EEF2K: variants seen among roughly 807,000 people sequenced by gnomAD.
EEF2K encodes alternative protein EEF2K.
A neutral mutation model predicts 93.8 loss-of-function variants in EEF2K; 70 were observed. The observed-to-expected ratio is 0.75, with a 90% CI of 0.62 to 0.91. The LOEUF (loss-of-function observed/expected upper bound fraction) is 0.91, where lower values mean the gene tolerates loss of function less well. EEF2K is among the 40% of genes least tolerant of loss of function. The pLI, the probability that EEF2K is intolerant of heterozygous loss-of-function variation, is 0.00. For synonymous variants in EEF2K, 376 were observed against 380.8 expected (o/e 0.99, Z 0.15); for missense variants, 935 against 972.9 (o/e 0.96, Z 0.52).
chr16:22,246,275 A>G (rs1364722382), intron 3 of EEF2K, among the ~76,000 whole-genome samples: 3 of 152,032 alleles, frequency 2.0e-5, no homozygotes, highest in Non-Finnish European at 4.4e-5. Context: ...TAATCCCAGC[A>G]CTTTGGGAGG....
intron 1 of EEF2K, among the ~76,000 whole-genome samples, chr16:22,218,432 A>G (rs62044761): frequency 0.12 from 17,930 of 152,244 alleles, 1,285 homozygotes; most frequent in Middle Eastern, 0.17. Flanking sequence ...TATGGTAGGA[A>G]GGCAGGTCCT....
At chr16:22,262,219 A>G (rs543345544) in intron 11 of EEF2K, among the ~76,000 whole-genome samples, 20 of 152,152 alleles carry the variant, frequency 1.3e-4, no homozygotes, top group Middle Eastern at 3.4e-3. Context: ...AATAAAAAAT[A>G]TGCCCAACTA....
At position 22,280,385 on chromosome 16, in the gene EEF2K, T is replaced by A. The variant is rs200172796; in HGVS notation, c.2068+9T>A. 227 of 1,491,946 alleles carry A rather than the reference T, an allele frequency of 1.5e-4. No individual in the cohort carries two copies. The highest frequency in any genetic ancestry group is 2.0e-4 in the Non-Finnish European group (223 of 1,115,234). 92.4% of individuals were successfully genotyped at this position (1,491,946 alleles called of 1,614,324 possible). ...GGACCCGCAGAGATCAGGTAGGGCC[T>A]GGCAGACCTGCCCCTGGGCTGCAAC... On this transcript the variant is annotated intron_variant, in intron 17 of 17. Transcript: ENST00000263026.
chr16:22,264,990 T>C, intron 13 of EEF2K, 110 bp downstream of exon 13: 5 of 1,327,772 alleles, frequency 3.8e-6, no homozygotes, highest in South Asian at 1.3e-5. Flanking sequence ...GTCTTGCACA[T>C]GTGCTAAAGG....
intron 16 of EEF2K, among the ~76,000 whole-genome samples, chr16:22,275,035 G>C (rs2047621189): frequency 6.6e-6 from 1 of 152,194 alleles, no homozygotes; most frequent in African/African-American, 2.4e-5. Context: ...CTGATGTACT[G>C]TCTACTGGCA....
chr16:22,264,996 A>G, intron 13 of EEF2K, 116 bp downstream of exon 13: 1 of 1,277,746 alleles, frequency 7.8e-7, no homozygotes, highest in Non-Finnish European at 1.1e-6. Flanking sequence ...CACATGTGCT[A>G]AAGGAAGATT....
chr16:22,280,316 A>C lies in EEF2K; in HGVS notation c.2008A>C (p.Arg670=), dbSNP rs1158384943. 1 of 1,607,428 alleles carries C rather than the reference A, an allele frequency of 6.2e-7. No homozygotes were observed. The highest frequency in any genetic ancestry group is 1.1e-5 in the South Asian group (1 of 89,782). ...CGAGCCCCGGTACATGATGCTGGCCAGGGAGGCCGAGATGCTGTTCACAGG... is the reference window on the plus strand; with the variant it reads ...CGAGCCCCGGTACATGATGCTGGCCCGGGAGGCCGAGATGCTGTTCACAGG... ...QDEPRYMMLA[R]EAEMLFTGGY... The change falls in exon 17 of 18, where the codon AGG becomes CGG. Residue 670 remains arginine (R), a synonymous_variant. Transcript: ENST00000263026.
chr16:22,214,857 GAACAA>G (rs2046944594), intron 1 of EEF2K, among the ~76,000 whole-genome samples: 1 of 152,112 alleles, frequency 6.6e-6, no homozygotes, highest in African/African-American at 2.4e-5. Flanking sequence ...CAAAACACAC[GAACAA>G]AACAAGGAAA....
Position 22,287,541 on chromosome 16 carries a change from G to C in EEF2K, c.*3545G>C, listed in dbSNP as rs1023350541. ...ATTTTTTTTCACAGTGTCACTGCTA[G>C]CAAGCCACTAAGCTGGAGCTGGGAT... is the stretch of plus-strand genomic sequence containing the variant. On this transcript the variant is annotated 3_prime_UTR_variant, in exon 18 of 18. Transcript: ENST00000263026. 1 of 152,194 alleles carries C rather than the reference G, an allele frequency of 6.6e-6. No homozygotes were observed. The highest frequency in any genetic ancestry group is 1.5e-5 in the Non-Finnish European group (1 of 68,042). The allele number at this position is 152,194 out of a possible 1,614,324, so 9.4% of individuals were successfully genotyped here.
At chr16:22,264,743 T>A in intron 12 of EEF2K, 75 bp from the exon 13 acceptor site, 1 of 1,565,824 alleles carries the variant, frequency 6.4e-7, no homozygotes. Flanking sequence ...GGAGGAGGGC[T>A]GGACCAGCTC....
intron 1 of EEF2K, among the ~76,000 whole-genome samples, chr16:22,223,204 G>A (rs1009013057): frequency 2.0e-5 from 3 of 151,106 alleles, no homozygotes; most frequent in African/African-American, 4.9e-5. Flanking sequence ...CCTAGGAGTG[G>A]AATTGCTGGA....
intron 10 of EEF2K, 70 bp from the exon 11 acceptor site, chr16:22,260,392 G>C: frequency 1.3e-6 from 2 of 1,574,924 alleles, no homozygotes; most frequent in South Asian, 2.2e-5. Flanking sequence ...GACCGCCCTA[G>C]GCCGTGGGTT....
In EEF2K at chr16:22,257,361, A is replaced by G. The variant is rs761220748; in HGVS notation, c.877A>G (p.Thr293Ala). The G allele has an allele frequency of 6.2e-7, 1 of 1,613,782 alleles. No homozygotes were observed. The highest frequency in any genetic ancestry group is 8.5e-7 in the Non-Finnish European group (1 of 1,179,916). The stretch of plus-strand genomic sequence containing the variant: ...CCCACAGATCCACACGGAGACGGGC[A>G]CTGACTTTGGAGACGGCAACCTAGG... Reference protein sequence around the residue: ...TDPQIHTETGTDFGDGNLGVR... With the variant: ...TDPQIHTETGADFGDGNLGVR... The change falls in exon 8 of 18, where the codon ACT becomes GCT. Residue 293 changes from threonine (T) to alanine (A), a missense_variant. By Grantham distance (58) the Thr-to-Ala change is moderately conservative. Coordinates refer to ENST00000263026, the MANE Select transcript of EEF2K (RefSeq NM_013302.5).
At chr16:22,226,517 C>CTTTTTTTTTTTT (rs553013823) in intron 2 of EEF2K, among the ~76,000 whole-genome samples, 7,027 of 104,496 alleles carry the variant, frequency 0.067, 419 homozygotes, top group Non-Finnish European at 0.086. Context: ...CCTTCTTCTT[C>CTTTTTTTTTTTT]TTTTTTTTTT....
In EEF2K at chr16:22,263,109, G is replaced by T; in HGVS notation, c.1300-1G>T. 1 of 1,611,650 alleles carries T rather than the reference G, an allele frequency of 6.2e-7. No individual in the cohort carries two copies. The highest frequency in any genetic ancestry group is 8.5e-7 in the Non-Finnish European group (1 of 1,178,766). On this transcript the variant is annotated splice_acceptor_variant, in intron 11 of 17. Coordinates refer to ENST00000263026, the MANE Select transcript of EEF2K (RefSeq NM_013302.5). LOFTEE classifies it high-confidence loss of function. The stretch of plus-strand genomic sequence containing the variant: ...ACCCTAAGGCCGTCTTCTCTCCACA[G>T]GAGTCTGAGAATAGTGGGGACAGCG...
At chr16:22,262,467 G>A (rs1050226444) in intron 11 of EEF2K, among the ~76,000 whole-genome samples, 3 of 152,034 alleles carry the variant, frequency 2.0e-5, no homozygotes, top group African/African-American at 4.8e-5. Flanking sequence ...CTGAGATCGT[G>A]CCACTGCACT....
chr16:22,283,767 A>G (rs559006489), intron 17 of EEF2K, 120 bp from the exon 18 acceptor site: 4 of 908,150 alleles, frequency 4.4e-6, no homozygotes, highest in South Asian at 1.5e-5. Flanking sequence ...GGGCACACGG[A>G]GTAGTTTGAG....
At chr16:22,222,541 T>A (rs2047024082) in intron 1 of EEF2K, among the ~76,000 whole-genome samples, 1 of 151,626 alleles carries the variant, frequency 6.6e-6, no homozygotes, top group Non-Finnish European at 1.5e-5. Flanking sequence ...TTTCTTGAGA[T>A]AAAATTCACA....
At chr16:22,242,569 C>T (rs921967757) in intron 2 of EEF2K, among the ~76,000 whole-genome samples, 2 of 151,910 alleles carry the variant, frequency 1.3e-5, no homozygotes, top group African/African-American at 4.8e-5. Flanking sequence ...GCCTCGGCCT[C>T]CCAAAGTGCT....
Sources: gnomAD v4.1 joint callset for allele counts (sites outside exome capture counted in the v4.1 genomes callset) on GRCh38, gnomAD v4.1.1 for gene constraint, MANE v1.5 for transcripts, NCBI Gene and HGNC (gene_info 2026-07-23, HGNC 2026-07-21) for gene names.